ANO5: variants seen among roughly 807,000 people sequenced by gnomAD.
ANO5 encodes the protein anoctamin 5, also known as anoctamin-5.
A neutral mutation model predicts 121.0 loss-of-function variants in ANO5; 109 were observed. The ratio of observed to expected loss-of-function variants is 0.90; its 90% CI spans 0.77 to 1.06. The LOEUF (loss-of-function observed/expected upper bound fraction) is 1.06, where lower values mean the gene tolerates loss of function less well. Ranked by LOEUF, ANO5 falls within the 50% of genes least tolerant of loss-of-function variation. The pLI, the probability that ANO5 is intolerant of heterozygous loss-of-function variation, is 0.00. For missense variants in ANO5, 1,064 were observed against 1,078.5 expected (o/e 0.99, Z 0.19); for synonymous variants, 406 against 359.9 (o/e 1.13, Z -1.45).
chr11:22,275,126 C>A (rs796201553), intron 20 of ANO5, among the ~76,000 whole-genome samples: 1 of 151,898 alleles, frequency 6.6e-6, no homozygotes, highest in Non-Finnish European at 1.5e-5. Flanking sequence ...ATTTAACTTA[C>A]TTGAATTTAT....
In ANO5 at chr11:22,208,959, C is replaced by A. The variant is rs577466873; in HGVS notation, c.88-2305C>A. Among the ~76,000 whole-genome samples the A allele has an allele frequency of 4.0e-5, 6 of 150,704 alleles. No individual in the cohort carries two copies. In the South Asian group the frequency reaches 6.3e-4, roughly 16 times the overall value. ...CTATGGGCAGGAGGCAGGCAATTTTCAAAAAAAATAAGTATTATAGCATAT... is the reference window on the plus strand; with the variant it reads ...CTATGGGCAGGAGGCAGGCAATTTTAAAAAAAAATAAGTATTATAGCATAT... On this transcript the variant is annotated intron_variant, in intron 2 of 21. Coordinates refer to ENST00000324559, the MANE Select transcript of ANO5 (RefSeq NM_213599.3).
chr11:22,242,919 C>G (rs1271902101), intron 9 of ANO5, among the ~76,000 whole-genome samples: 1 of 151,970 alleles, frequency 6.6e-6, no homozygotes, highest in African/African-American at 2.4e-5. Context: ...ATTCCTCTGG[C>G]TAGGACTTAA....
intron 7 of ANO5, among the ~76,000 whole-genome samples, chr11:22,231,514 G>A (rs1262159187): frequency 1.3e-5 from 2 of 151,718 alleles, no homozygotes; most frequent in African/African-American, 2.4e-5. Context: ...ATATCTTTTT[G>A]TGACAGTAGA....
intron 7 of ANO5, among the ~76,000 whole-genome samples, chr11:22,231,610 A>C (rs1381808539): frequency 6.6e-6 from 1 of 151,936 alleles, no homozygotes; most frequent in Non-Finnish European, 1.5e-5. Flanking sequence ...TCTGATAGCT[A>C]TTCAGGTTGT....
intron 17 of ANO5, among the ~76,000 whole-genome samples, chr11:22,268,308 G>A (rs1239216701): frequency 2.7e-5 from 4 of 150,518 alleles, no homozygotes; most frequent in African/African-American, 4.9e-5. Context: ...CTTCTTACTC[G>A]TCAACATTTA....
chr11:22,279,842 C>T lies in ANO5; in HGVS notation c.*77C>T, dbSNP rs1016584692. ...TGGTTTTAGGGCCAGACGCCAGAAG[C>T]CATGTGTCAATTTTACCCTTTCTTT... On this transcript the variant is annotated 3_prime_UTR_variant, in exon 22 of 22. Transcript: ENST00000324559. 2.4e-6 allele frequency: 3 copies of T among 1,230,916 alleles called. No homozygotes were observed. Among genetic ancestry groups the T allele is most frequent in the African/African-American group, 3.1e-5 (2 of 64,824 alleles). The allele number at this position is 1,230,916 out of a possible 1,614,324, so 76.2% of individuals were successfully genotyped here. A position where few individuals can be genotyped will look rare whatever the true frequency, so the allele number is the denominator to read the frequency against.
At chr11:22,240,003 T>C (rs1284970346) in intron 9 of ANO5, among the ~76,000 whole-genome samples, 1 of 152,118 alleles carries the variant, frequency 6.6e-6, no homozygotes, top group African/African-American at 2.4e-5. Flanking sequence ...TATAACAATA[T>C]TACTACTTTT....
chr11:22,239,575 T>C lies in ANO5; in HGVS notation c.769T>C (p.Tyr257His), dbSNP rs1853355042. Reference sequence around the variant, plus strand: ...TCCTCTTGAATATCTGCAGGGCCAATATTGGAAGCCATCAGAACCTCCCAA... The same window carrying C: ...TCCTCTTGAATATCTGCAGGGCCAACATTGGAAGCCATCAGAACCTCCCAA... ...SSAYPLHDGQYWKPSEPPNPT... is the reference protein window; with the variant it reads ...SSAYPLHDGQHWKPSEPPNPT... Residue 257 changes from tyrosine to histidine, a missense_variant, in exon 9 of 22, where the codon TAT (tyrosine) becomes CAT (histidine). Physicochemically the swap from Tyr to His is moderately conservative, Grantham distance 83. Coordinates refer to ENST00000324559, the MANE Select transcript of ANO5 (RefSeq NM_213599.3). 1.2e-6 allele frequency: 2 copies of C among 1,610,372 alleles called. No individual in the cohort carries two copies. The highest frequency in any genetic ancestry group is 2.2e-5 in the South Asian group (2 of 91,024).
At chr11:22,264,462 A>T (rs1854296542) in intron 17 of ANO5, among the ~76,000 whole-genome samples, 1 of 146,258 alleles carries the variant, frequency 6.8e-6, no homozygotes, top group Non-Finnish European at 1.5e-5. Context: ...GAGGTAAAAG[A>T]ATAAAAAAAT....
At chr11:22,203,733 T>A (rs1852031251) in intron 1 of ANO5, 71 bp from the exon 2 acceptor site, 1 of 960,690 alleles carries the variant, frequency 1.0e-6, no homozygotes, top group African/African-American at 1.6e-5. Flanking sequence ...ATTTTTTCCT[T>A]ACACAGACTT....
chr11:22,263,290 TTATC>T (rs1276329243), intron 17 of ANO5, among the ~76,000 whole-genome samples: 1 of 152,184 alleles, frequency 6.6e-6, no homozygotes, highest in Middle Eastern at 3.2e-3. Flanking sequence ...CAAATAATAA[TTATC>T]TATATTTATG....
rs751028884 is a variant in ANO5 at position 22,274,650 on chromosome 11, A to G, written c.2317A>G (p.Met773Val). 49 of 1,613,318 alleles carry G rather than the reference A, an allele frequency of 3.0e-5. No individual in the cohort carries two copies. The highest frequency in any genetic ancestry group is 3.9e-5 in the Non-Finnish European group (46 of 1,179,598). The change falls in exon 20 of 22, where the codon ATG becomes GTG. Residue 773 changes from methionine (M) to valine (V), a missense_variant. By Grantham distance (21) the Met-to-Val change is conservative. Transcript: ENST00000324559. ...YAYSTNATQP[M>V]TGYVNNSLSV... ...TTACTCAACAAATGCCACACAGCCT[A>G]TGACAGGATATGTGAATAATAGCCT...
At chr11:22,233,419 T>G (rs2133636556) in intron 7 of ANO5, among the ~76,000 whole-genome samples, 1 of 151,866 alleles carries the variant, frequency 6.6e-6, no homozygotes, top group Admixed American at 6.6e-5. Context: ...TATATAAATT[T>G]TATTTATCAC....
chr11:22,215,624 C>T (rs183156421), intron 3 of ANO5, among the ~76,000 whole-genome samples: 2 of 151,914 alleles, frequency 1.3e-5, no homozygotes, highest in East Asian at 1.9e-4. Context: ...TGAAGTCTTT[C>T]GCATCTCAAC....
At chr11:22,231,992 T>C (rs1311765200) in intron 7 of ANO5, among the ~76,000 whole-genome samples, 3 of 152,020 alleles carry the variant, frequency 2.0e-5, no homozygotes, top group South Asian at 2.1e-4. Context: ...AGAGAAAATA[T>C]TCTTAGCCAT....
chr11:22,236,062 T>C (rs1590259608), intron 7 of ANO5, 101 bp from the exon 8 acceptor site: 1 of 778,392 alleles, frequency 1.3e-6, no homozygotes, highest in Non-Finnish European at 2.3e-6. Context: ...TTAGAGCCTG[T>C]ATCTACATTC....
rs188164131 is a variant in ANO5 at position 22,225,630 on chromosome 11, T to A, written c.295-354T>A. Among the ~76,000 whole-genome samples, 9 of 152,300 alleles carry A rather than the reference T, an allele frequency of 5.9e-5. No homozygotes were observed. In the East Asian group the frequency reaches 1.7e-3, roughly 29 times the overall value. On this transcript the variant is annotated intron_variant, in intron 5 of 21. Coordinates refer to ENST00000324559, the MANE Select transcript of ANO5 (RefSeq NM_213599.3). ...AAATTCCATTAAATGTATAGTTTAT[T>A]TGAAGAGTATTGATCTTTGTAATAG... is the stretch of plus-strand genomic sequence containing the variant.
intron 3 of ANO5, among the ~76,000 whole-genome samples, chr11:22,215,800 A>C (rs902624906): frequency 6.6e-6 from 1 of 151,784 alleles, no homozygotes; most frequent in African/African-American, 2.4e-5. Flanking sequence ...TTACCTCAAA[A>C]ATTTCCCTTT....
intron 14 of ANO5, among the ~76,000 whole-genome samples, chr11:22,259,064 C>T (rs1445563997): frequency 3.4e-5 from 5 of 149,222 alleles, no homozygotes; most frequent in East Asian, 3.9e-4. Flanking sequence ...ACCTGGAAGG[C>T]GGAGCTTGCA....
Sources: gnomAD v4.1 joint callset for allele counts (sites outside exome capture counted in the v4.1 genomes callset) on GRCh38, gnomAD v4.1.1 for gene constraint, MANE v1.5 for transcripts, NCBI Gene and HGNC (gene_info 2026-07-23, HGNC 2026-07-21) for gene names.